The following RAB10 variants were observed in gnomAD, a reference collection of about 807,000 sequenced individuals.
The protein encoded by RAB10 is RAB10, member RAS oncogene family.
In RAB10, 5 loss-of-function variants were observed where a neutral mutation model predicts 25.7. The observed-to-expected ratio is 0.19, with a 90% CI of 0.10 to 0.41. The LOEUF (loss-of-function observed/expected upper bound fraction) is 0.41, where lower values mean the gene tolerates loss of function less well. RAB10 is among the 10% of genes least tolerant of loss of function. RAB10 has a pLI of 1.00. For missense variants in RAB10, 103 were observed against 245.8 expected (o/e 0.42, Z 3.89); for synonymous variants, 89 against 86.4 (o/e 1.03, Z -0.16).
At chr2:26,059,190 G>GTAC (rs1406818407) in intron 1 of RAB10, among the ~76,000 whole-genome samples, 1 of 152,186 alleles carries the variant, frequency 6.6e-6, no homozygotes, top group Non-Finnish European at 1.5e-5. Flanking sequence ...TTGGAAATCT[G>GTAC]TACTTGATCA....
intron 2 of RAB10, among the ~76,000 whole-genome samples, chr2:26,103,702 A>G (rs528060801): frequency 6.6e-6 from 1 of 152,244 alleles, no homozygotes; most frequent in South Asian, 2.1e-4. Context: ...GAACATTTTT[A>G]TCTCCCCTCC....
At chr2:26,092,290 TGTGTGTGTGTGTGTGTGTGTGTG>T (rs1559590800) in intron 1 of RAB10, among the ~76,000 whole-genome samples, 3,927 of 142,918 alleles carry the variant, frequency 0.027, 186 homozygotes, top group African/African-American at 0.095. Flanking sequence ...TGTGTGTGTG[TGTGTGTGTGTGTGTGTGTGTGTG>T]TGTGTGTGTT....
At chr2:26,093,110 G>C (rs777658745) in intron 1 of RAB10, among the ~76,000 whole-genome samples, 3 of 152,106 alleles carry the variant, frequency 2.0e-5, no homozygotes, top group South Asian at 2.1e-4. Context: ...CTTGGTGAGA[G>C]GTTAGTTATG....
intron 1 of RAB10, among the ~76,000 whole-genome samples, chr2:26,076,896 A>G (rs1313205554): frequency 1.3e-5 from 2 of 150,968 alleles, no homozygotes; most frequent in African/African-American, 4.9e-5. Context: ...GTGAGCCGAG[A>G]TCACACCATT....
intron 1 of RAB10, among the ~76,000 whole-genome samples, chr2:26,038,682 G>A (rs903633217): frequency 1.3e-5 from 2 of 151,732 alleles, no homozygotes; most frequent in Non-Finnish European, 2.9e-5. Context: ...CAGCGCTTTG[G>A]GAGGCTGAGG....
chr2:26,048,727 T>C (rs184516874), intron 1 of RAB10, among the ~76,000 whole-genome samples: 31 of 152,184 alleles, frequency 2.0e-4, no homozygotes, highest in African/African-American at 7.2e-4. Flanking sequence ...AGAAAAAAAT[T>C]AGCTGGATGT....
intron 1 of RAB10, among the ~76,000 whole-genome samples, chr2:26,044,961 A>G (rs1665966416): frequency 6.6e-6 from 1 of 151,838 alleles, no homozygotes; most frequent in Admixed American, 6.6e-5. Flanking sequence ...ATCAATTTCA[A>G]TTTGAAAAGT....
intron 1 of RAB10, among the ~76,000 whole-genome samples, chr2:26,081,880 A>C (rs1666875869): frequency 6.6e-6 from 1 of 152,216 alleles, no homozygotes; most frequent in South Asian, 2.1e-4. Flanking sequence ...ATAAAGGCAA[A>C]ATACATTTTT....
chr2:26,127,096 G>A, intron 3 of RAB10, 48 bp from the exon 4 acceptor site: 1 of 1,351,314 alleles, frequency 7.4e-7, no homozygotes, highest in South Asian at 1.3e-5. Context: ...AGACTGTTAA[G>A]CCGTAATTCA....
chr2:26,122,923 G>T (rs920503356), intron 3 of RAB10, among the ~76,000 whole-genome samples: 2 of 152,174 alleles, frequency 1.3e-5, no homozygotes, highest in South Asian at 4.2e-4. Context: ...GGCCACAAAG[G>T]ACATGAGTGT....
chr2:26,132,755 AG>A (rs1348484277), intron 5 of RAB10, among the ~76,000 whole-genome samples: 3 of 126,742 alleles, frequency 2.4e-5, no homozygotes, highest in Non-Finnish European at 4.9e-5. Context: ...TTGCTCCGCA[AG>A]AGATACCCCC....
intron 2 of RAB10, among the ~76,000 whole-genome samples, chr2:26,103,055 CCTT>C (rs1431202615): frequency 6.6e-6 from 1 of 152,148 alleles, no homozygotes; most frequent in Non-Finnish European, 1.5e-5. Context: ...CATTATCCCT[CCTT>C]ATTGTTTATA....
At chr2:26,121,063 C>T (rs549689929) in intron 3 of RAB10, among the ~76,000 whole-genome samples, 30 of 152,034 alleles carry the variant, frequency 2.0e-4, no homozygotes, top group East Asian at 5.8e-4. Context: ...AGACGTGCAT[C>T]GCCACACCCG....
At chr2:26,108,502 T>A (rs1292360068) in intron 2 of RAB10, among the ~76,000 whole-genome samples, 2 of 152,132 alleles carry the variant, frequency 1.3e-5, no homozygotes, top group African/African-American at 4.8e-5. Context: ...TTAGGGACTA[T>A]GGGGAGTAAA....
chr2:26,097,429 A>G (rs1234821349), intron 1 of RAB10, among the ~76,000 whole-genome samples: 2 of 151,938 alleles, frequency 1.3e-5, no homozygotes, highest in Non-Finnish European at 2.9e-5. Context: ...ATGCCCTACC[A>G]CACCTGGGCA....
At chr2:26,070,120 G>A (rs866707562) in intron 1 of RAB10, among the ~76,000 whole-genome samples, 43 of 152,212 alleles carry the variant, frequency 2.8e-4, no homozygotes, top group African/African-American at 9.4e-4. Flanking sequence ...GCAGCTACAC[G>A]AATTCTTCTA....
chr2:26,050,315 T>C (rs1291283373), intron 1 of RAB10, among the ~76,000 whole-genome samples: 1 of 152,218 alleles, frequency 6.6e-6, no homozygotes, highest in Non-Finnish European at 1.5e-5. Context: ...CATTGTCTTC[T>C]AGTTGCTGAC....
At chr2:26,068,973 A>G (rs1273188893) in intron 1 of RAB10, among the ~76,000 whole-genome samples, 1 of 152,198 alleles carries the variant, frequency 6.6e-6, no homozygotes, top group African/African-American at 2.4e-5. Context: ...ACTGCCTTCC[A>G]TTTTAGTGGC....
At chr2:26,082,149 T>C (rs909185392) in intron 1 of RAB10, among the ~76,000 whole-genome samples, 2 of 152,030 alleles carry the variant, frequency 1.3e-5, no homozygotes, top group Admixed American at 1.3e-4. Context: ...AATGTAGAAG[T>C]GTAACAAAGA....
Sources: gnomAD v4.1 joint callset for allele counts (sites outside exome capture counted in the v4.1 genomes callset) on GRCh38, gnomAD v4.1.1 for gene constraint, MANE v1.5 for transcripts, NCBI Gene and HGNC (gene_info 2026-07-23, HGNC 2026-07-21) for gene names.